The following DAO variants were observed in gnomAD, a reference collection of about 807,000 sequenced individuals.
DAO encodes the protein D-amino acid oxidase, also known as D-amino-acid oxidase.
In DAO, 51 loss-of-function variants were observed where a neutral mutation model predicts 50.1. That is an observed-to-expected ratio of 1.02 (90% CI 0.81 to 1.29). The LOEUF (loss-of-function observed/expected upper bound fraction) is 1.29. Ranked by LOEUF, DAO falls within the 50% of genes most tolerant of loss-of-function variation. The probability of loss-of-function intolerance (pLI) is 0.00; values close to 1 mark genes in which losing one functional copy is unlikely to be tolerated. For synonymous variants in DAO, 160 were observed against 166.2 expected (o/e 0.96, Z 0.29); for missense variants, 436 against 439.4 (o/e 0.99, Z 0.07).
At chr12:108,895,764 T>C (rs1234303285) in intron 7 of DAO, among the ~76,000 whole-genome samples, 1 of 151,074 alleles carries the variant, frequency 6.6e-6, no homozygotes, top group East Asian at 1.9e-4. Context: ...TGAGGGTGTG[T>C]GTCTGAGGGT....
At position 108,893,035 on chromosome 12, in the gene DAO, A is replaced by G; in HGVS notation, c.506A>G (p.Glu169Gly). ...FFQRKVESFE[E>G]VAREGADVIV... ...CAGCGGAAAGTGGAGTCTTTTGAGG[A>G]GGTGAGTTGCAGGGCTGATGCGGTG... Residue 169 changes from glutamate (E) to glycine (G), a missense_variant and splice_region_variant, in exon 6 of 11, where the codon GAG (glutamate) becomes GGG (glycine). Physicochemically the swap from Glu to Gly is moderately conservative, Grantham distance 98 (BLOSUM62 -2). Coordinates refer to ENST00000228476, the MANE Select transcript of DAO (RefSeq NM_001917.5). 1.2e-6 allele frequency: 2 copies of G among 1,613,676 alleles called. No homozygotes were observed. Among genetic ancestry groups the G allele is most frequent in the Non-Finnish European group, 1.7e-6 (2 of 1,179,772 alleles).
intron 1 of DAO, among the ~76,000 whole-genome samples, chr12:108,881,510 C>CACACACAG (rs3220845): frequency 8.7e-5 from 11 of 126,606 alleles, no homozygotes; most frequent in Non-Finnish European, 3.4e-5. Flanking sequence ...CACACACACA[C>CACACACAG]GTTGCTATAA....
At chr12:108,892,059 A>C (rs2039497086) in intron 5 of DAO, among the ~76,000 whole-genome samples, 1 of 151,740 alleles carries the variant, frequency 6.6e-6, no homozygotes, top group Non-Finnish European at 1.5e-5. Flanking sequence ...TTCTATCTTG[A>C]GGAAATGATG....
At chr12:108,899,576 C>A in intron 10 of DAO, 101 bp downstream of exon 10, 2 of 1,025,380 alleles carry the variant, frequency 2.0e-6, no homozygotes, top group Non-Finnish European at 3.0e-6. Context: ...TCCACACAGG[C>A]TCCATAGCAG....
At chr12:108,883,193 C>T (rs1328229619) in intron 1 of DAO, among the ~76,000 whole-genome samples, 1 of 152,010 alleles carries the variant, frequency 6.6e-6, no homozygotes, top group Non-Finnish European at 1.5e-5. Context: ...GTTGCCCAGA[C>T]TGGAATGCAG....
At chr12:108,899,265 G>T in intron 9 of DAO, 112 bp from the exon 10 acceptor site, 2 of 736,436 alleles carry the variant, frequency 2.7e-6, no homozygotes, top group Middle Eastern at 2.3e-4. Flanking sequence ...AGATGACTGT[G>T]ATTATATTAG....
chr12:108,890,819 T>C (rs2039482648), intron 5 of DAO, among the ~76,000 whole-genome samples: 1 of 152,194 alleles, frequency 6.6e-6, no homozygotes, highest in Non-Finnish European at 1.5e-5. Flanking sequence ...GGAGATTCCA[T>C]ACCTTTTTTG....
At chr12:108,900,242 G>A (rs1199025330) in intron 10 of DAO, 162 bp from the exon 11 acceptor site, 3 of 795,046 alleles carry the variant, frequency 3.8e-6, no homozygotes, top group South Asian at 3.0e-5. Flanking sequence ...TGTTCCAGGG[G>A]GTCCCCACCA....
Position 108,887,507 on chromosome 12 carries a change from T to G in DAO, c.252T>G (p.Ala84=). 6.2e-7 allele frequency: 1 copy of G among 1,614,152 alleles called. No homozygotes were observed. Among genetic ancestry groups the G allele is most frequent in the South Asian group, 1.1e-5 (1 of 91,086 alleles). Residue 84 remains alanine, a synonymous_variant, in exon 3 of 11, where the codon GCT becomes GCG. Transcript: ENST00000228476. ...YLLSHVHSPN[A]ENLGLFLISG... ...TGAGCCATGTCCATTCTCCCAACGC[T>G]GAAAACCTGGGCCTGTTCCTAATCT...
At chr12:108,880,653 G>A (rs1179024796) in intron 1 of DAO, among the ~76,000 whole-genome samples, 2 of 148,514 alleles carry the variant, frequency 1.3e-5, no homozygotes, top group African/African-American at 2.6e-5. Context: ...AGAAGTAGCC[G>A]TGTGGTGCAA....
chr12:108,895,350 T>C (rs773385697), intron 7 of DAO, among the ~76,000 whole-genome samples: 6 of 150,346 alleles, frequency 4.0e-5, no homozygotes, highest in Non-Finnish European at 5.9e-5. Context: ...AGGGTGTGTG[T>C]GCATGTGTGT....
At chr12:108,890,148 C>A in intron 4 of DAO, 60 bp from the exon 5 acceptor site, 1 of 1,413,402 alleles carries the variant, frequency 7.1e-7, no homozygotes, top group Non-Finnish European at 1.0e-6. Flanking sequence ...CATTTCACAG[C>A]CTTCAAATAT....
In DAO at chr12:108,897,088, G is replaced by C. The variant is rs746442296; in HGVS notation, c.695G>C (p.Gly232Ala). The part of the protein sequence containing the change: ...GIYNSPYIIP[G>A]TQTVTLGGIF... ...TACAATTCCCCGTACATCATCCCAG[G>C]GTAAAATTGGACTGTTCTCGGGCAG... is the stretch of plus-strand genomic sequence containing the variant. Residue 232 changes from glycine to alanine, a missense_variant and splice_region_variant, in exon 8 of 11, where the codon GGG (glycine) becomes GCG (alanine). Gly to Ala is a moderately conservative substitution (Grantham distance 60). Transcript: ENST00000228476. 6.2e-7 allele frequency: 1 copy of C among 1,611,302 alleles called. No individual in the cohort carries two copies. The highest frequency in any genetic ancestry group is 8.5e-7 in the Non-Finnish European group (1 of 1,177,554).
At chr12:108,885,247 G>A (rs757275180) in intron 2 of DAO, 47 bp downstream of exon 2, 1 of 1,568,654 alleles carries the variant, frequency 6.4e-7, no homozygotes, top group Non-Finnish European at 8.7e-7. Flanking sequence ...ATGGACCTAA[G>A]TCTGCAGAGG....
At chr12:108,892,781 G>T (rs1397046240) in intron 5 of DAO, among the ~76,000 whole-genome samples, 2 of 152,258 alleles carry the variant, frequency 1.3e-5, no homozygotes, top group East Asian at 3.9e-4. Flanking sequence ...ACCATCTCTG[G>T]TTTCTCAAAG....
At chr12:108,899,559 C>A in intron 10 of DAO, 84 bp downstream of exon 10, 1 of 1,191,550 alleles carries the variant, frequency 8.4e-7, no homozygotes, top group Non-Finnish European at 1.2e-6. Flanking sequence ...CATGTCTGAT[C>A]TCAAGTTCCA....
chr12:108,895,698 ATGTG>A (rs887481133), intron 7 of DAO, among the ~76,000 whole-genome samples: 11 of 137,224 alleles, frequency 8.0e-5, no homozygotes, highest in Non-Finnish European at 1.6e-4. Flanking sequence ...GTGTGCATGC[ATGTG>A]TGTGAGGGGT....
rs145349371 is a variant in DAO, at chr12:108,898,032, C to T, written c.696-647C>T. ...GGGCTGATGGTGATGATAATGTTAA[C>T]GGTGGAGATGACAATGTCACTGAAA... On this transcript the variant is annotated intron_variant, in intron 8 of 10. Coordinates refer to ENST00000228476, the MANE Select transcript of DAO (RefSeq NM_001917.5). Among the ~76,000 whole-genome samples the T allele has an allele frequency of 1.8e-3, 274 of 151,312 alleles. 1 individual carries two copies. The highest frequency in any genetic ancestry group is 6.4e-3 in the African/African-American group (262 of 41,250).
At chr12:108,881,474 A>AACACACACACAC (rs59694062) in intron 1 of DAO, among the ~76,000 whole-genome samples, 1,777 of 138,540 alleles carry the variant, frequency 0.013, 44 homozygotes, top group African/African-American at 0.042. Flanking sequence ...TGTATTTTAA[A>AACACACACACAC]ACACACACAC....
Sources: gnomAD v4.1 joint callset for allele counts (sites outside exome capture counted in the v4.1 genomes callset) on GRCh38, gnomAD v4.1.1 for gene constraint, MANE v1.5 for transcripts, NCBI Gene and HGNC (gene_info 2026-07-23, HGNC 2026-07-21) for gene names.